Variants in MED16 observed in about 807,000 individuals in gnomAD.
The protein encoded by MED16 is mediator of RNA polymerase II transcription subunit 16.
Under a neutral mutation model 84.4 loss-of-function variants are expected in MED16, and 81 were observed. The ratio of observed to expected loss-of-function variants is 0.96; its 90% CI spans 0.80 to 1.15. The LOEUF is 1.15. Ranked by LOEUF, MED16 falls within the 50% of genes most tolerant of loss-of-function variation. MED16 has a pLI of 0.00. For missense variants in MED16, 1,585 were observed against 1,245.9 expected, an observed-to-expected ratio of 1.27 and a Z score of -4.10; for synonymous variants, 897 against 552.2, an observed-to-expected ratio of 1.62 and a Z score of -8.76.
intron 4 of MED16, 32 bp downstream of exon 4, chr19:889,606 G>A (rs1568333674): frequency 1.3e-6 from 2 of 1,586,268 alleles, no homozygotes; most frequent in South Asian, 2.3e-5. Flanking sequence ...CATCTCATCT[G>A]CCTCATCCGC....
intron 12 of MED16, 58 bp from the exon 13 acceptor site, chr19:871,311 C>T: frequency 1.4e-6 from 2 of 1,477,532 alleles, no homozygotes; most frequent in Non-Finnish European, 1.8e-6. Context: ...GCCCGGCCAC[C>T]CGGGACGTGC....
intron 4 of MED16, among the ~76,000 whole-genome samples, chr19:887,016 T>C (rs1007222189): frequency 1.3e-5 from 2 of 149,668 alleles, no homozygotes; most frequent in South Asian, 2.1e-4. Context: ...GAGGTGGTGA[T>C]TGCAGTGAGC....
chr19:871,015 A>G (rs1192911836), intron 13 of MED16, 22 bp downstream of exon 13: 1 of 1,524,580 alleles, frequency 6.6e-7, no homozygotes. Context: ...GTGTTTGGGG[A>G]CCAATGCAGG....
Position 871,048 on chromosome 19 carries a change from G to A in MED16, c.2304C>T (p.Asp768=), listed in dbSNP as rs8100009. 3.5e-3 allele frequency: 5,405 copies of A among 1,543,276 alleles called. 179 individuals are homozygous for A. In the African/African-American group the frequency reaches 0.066, roughly 19 times the overall value. Residue 768 remains aspartate (D), a synonymous_variant, in exon 13 of 16, where the codon GAC becomes GAT. Transcript: ENST00000325464. ...LPGSAATLQL[D]GLARAPGQPK... ...AGGGACACACGCACCTGGCGAGGCCGTCGAGCTGCAGGGTGGCAGCACTGC... is the reference window on the plus strand; with the variant it reads ...AGGGACACACGCACCTGGCGAGGCCATCGAGCTGCAGGGTGGCAGCACTGC...
At chr19:873,305 GTA>G in intron 11 of MED16, 142 bp downstream of exon 11, 39 of 632,534 alleles carry the variant, frequency 6.2e-5, no homozygotes, top group South Asian at 2.8e-4. Flanking sequence ...GGGACTCCAA[GTA>G]GGGGCGGGAC....
At chr19:890,281 C>G in intron 2 of MED16, 37 bp from the exon 3 acceptor site, 1 of 1,388,396 alleles carries the variant, frequency 7.2e-7, no homozygotes, top group Non-Finnish European at 9.8e-7. Context: ...GGCCTGGCAC[C>G]ACAGCCTGCA....
At position 871,121 on chromosome 19, in the gene MED16, G is replaced by T. The variant is rs751092708; in HGVS notation, c.2231C>A (p.Pro744His). Residue 744 changes from proline to histidine, a missense_variant, in exon 13 of 16, where the codon CCC becomes CAC. Physicochemically the swap from Pro to His is moderately conservative, Grantham distance 77. Coordinates refer to ENST00000325464, the MANE Select transcript of MED16 (RefSeq NM_005481.3). ...ASDGLVSRLQ[P>H]KQPLRLQFGR... ...AAACTGCAGACGAAGGGGCTGCTTG[G>T]GCTGCAGGCGGCTAACCAGGCCGTC... 1.9e-6 allele frequency: 3 copies of T among 1,548,624 alleles called. No homozygotes were observed. The Middle Eastern group carries it at 5.1e-4, about 262-fold the overall frequency.
At position 875,260 on chromosome 19, in the gene MED16, G is replaced by A. The variant is rs1248470792; in HGVS notation, c.1755C>T (p.Thr585=). ...AGGACCCACCGACGTCGGTGATCTTGGTGCAGATCTCGGTCAGCCGGTCGC... is the reference window on the plus strand; with the variant it reads ...AGGACCCACCGACGTCGGTGATCTTAGTGCAGATCTCGGTCAGCCGGTCGC... ...SPGDRLTEIC[T]KITDVDIDKV... The change falls in exon 10 of 16, where the codon ACC becomes ACT. Residue 585 remains threonine, a synonymous_variant. Transcript: ENST00000325464. 5 of 1,610,306 alleles carry A rather than the reference G, an allele frequency of 3.1e-6. No homozygotes were observed. The highest frequency in any genetic ancestry group is 2.2e-5 in the East Asian group (1 of 44,798).
Position 889,688 on chromosome 19 carries a change from C to T in MED16, c.397G>A (p.Ala133Thr). 3.7e-6 allele frequency: 6 copies of T among 1,613,900 alleles called. No individual in the cohort carries two copies. Among genetic ancestry groups the T allele is most frequent in the Non-Finnish European group, 5.1e-6 (6 of 1,179,992 alleles). ...GSLVEGDPIV[A>T]LSWLHNGVKL... ...ACACCATTGTGCAGCCAGGACAGGG[C>T]CACAATGGGGTCCCCCTCCACTAGG... The change falls in exon 4 of 16, where the codon GCC becomes ACC. Residue 133 changes from alanine to threonine, a missense_variant. Coordinates refer to ENST00000325464, the MANE Select transcript of MED16 (RefSeq NM_005481.3).
At chr19:876,910 C>CG (rs1276624022) in intron 9 of MED16, 64 bp downstream of exon 9, 5 of 1,420,278 alleles carry the variant, frequency 3.5e-6, no homozygotes, top group Non-Finnish European at 4.8e-6. Flanking sequence ...CCACCTGCCA[C>CG]GGGGCCCCCA....
chr19:868,538 G>C, intron 14 of MED16, 39 bp from the exon 15 acceptor site: 1 of 1,602,752 alleles, frequency 6.2e-7, no homozygotes, highest in Non-Finnish European at 8.5e-7. Flanking sequence ...CCCACTTCCA[G>C]GCGGGCCTCC....
intron 8 of MED16, among the ~76,000 whole-genome samples, chr19:879,585 C>A (rs866014448): frequency 9.7e-6 from 1 of 103,316 alleles, no homozygotes; most frequent in African/African-American, 4.0e-5. Flanking sequence ...CAATGCCCAG[C>A]AGCTCACCTT....
chr19:872,531 AAG>A (rs1483872976), intron 11 of MED16, among the ~76,000 whole-genome samples: 4 of 151,974 alleles, frequency 2.6e-5, no homozygotes, highest in Non-Finnish European at 4.4e-5. Flanking sequence ...CCACAAAAAG[AAG>A]AGAGGGACTT....
chr19:873,779 G>C (rs1011870768), intron 10 of MED16, among the ~76,000 whole-genome samples, 197 bp from the exon 11 acceptor site: 3 of 151,066 alleles, frequency 2.0e-5, no homozygotes, highest in Non-Finnish European at 3.0e-5. Flanking sequence ...GCCCCCCCCC[G>C]GGGGCCGCTG....
chr19:891,191 C>A, intron 1 of MED16, 42 bp from the exon 2 acceptor site: 1 of 1,553,454 alleles, frequency 6.4e-7, no homozygotes, highest in South Asian at 1.2e-5. Flanking sequence ...GTTGGCTGAG[C>A]ACCCAGGGCA....
chr19:878,316 G>A (rs375334026), intron 8 of MED16, among the ~76,000 whole-genome samples: 10 of 57,884 alleles, frequency 1.7e-4, no homozygotes, highest in Admixed American at 5.0e-4. Context: ...CCAGCCCCAC[G>A]TGCCCCAGCA....
At chr19:884,548 C>T (rs1269695036) in intron 6 of MED16, among the ~76,000 whole-genome samples, 3 of 152,090 alleles carry the variant, frequency 2.0e-5, no homozygotes, top group Non-Finnish European at 4.4e-5. Flanking sequence ...CCCTGCTGCC[C>T]GACGGCCCCA....
In MED16 at chr19:890,441, T is replaced by C. The variant is rs1166600352; in HGVS notation, c.170-197A>G. 6 of 476,962 alleles carry C rather than the reference T, an allele frequency of 1.3e-5. No individual in the cohort carries two copies. In the South Asian group the frequency reaches 2.3e-4, roughly 18 times the overall value. 29.5% of individuals were successfully genotyped at this position (476,962 alleles called of 1,614,324 possible). A position where few individuals can be genotyped will look rare whatever the true frequency, so the allele number is the denominator to read the frequency against. On this transcript the variant is annotated intron_variant, in intron 2 of 15. Coordinates refer to ENST00000325464, the MANE Select transcript of MED16 (RefSeq NM_005481.3). ...GAGCAGGCCTGTGAGGCGCCACAAC[T>C]GTGTCTTTAAAACCAGATTAGAAGA...
intron 4 of MED16, among the ~76,000 whole-genome samples, chr19:889,204 C>T (rs978117393): frequency 8.0e-5 from 12 of 150,280 alleles, no homozygotes; most frequent in African/African-American, 2.0e-4. Context: ...ACCCTGGCCA[C>T]GCCTACTCTT....
Sources: allele counts gnomAD v4.1 joint callset (sites outside exome capture counted in the v4.1 genomes callset), GRCh38; gene constraint gnomAD v4.1.1; transcripts MANE v1.5; gene names NCBI Gene and HGNC (gene_info 2026-07-23, HGNC 2026-07-21).